The following AGBL1 variants were observed in gnomAD, a reference collection of about 807,000 sequenced individuals.
The protein encoded by AGBL1 is cytosolic carboxypeptidase 4.
A neutral mutation model predicts 118.9 loss-of-function variants in AGBL1; 130 were observed. The observed-to-expected ratio is 1.09, with a 90% confidence interval of 0.95 to 1.26. The LOEUF (loss-of-function observed/expected upper bound fraction) is 1.26. Among genes scored for constraint, AGBL1 ranks in the 50% most tolerant of loss-of-function variants. The probability of loss-of-function intolerance (pLI) is 0.00; values close to 1 mark genes in which losing one functional copy is unlikely to be tolerated. For synonymous variants in AGBL1, 555 were observed against 478.9 expected, an observed-to-expected ratio of 1.16 and a Z score of -2.08; for missense variants, 1,584 against 1,298.1, an observed-to-expected ratio of 1.22 and a Z score of -3.38.
chr15:86,318,696 A>ATTTTTTTTTTTTTTTTT (rs57988335), intron 17 of AGBL1, among the ~76,000 whole-genome samples: 1 of 81,950 alleles, frequency 1.2e-5, no homozygotes, highest in Non-Finnish European at 2.3e-5. Flanking sequence ...TTGATCATAG[A>ATTTTTTTTTTTTTTTTT]TTTTTTTTTT....
At chr15:86,968,724 C>G (rs1427365443) in intron 23 of AGBL1, among the ~76,000 whole-genome samples, 2 of 151,890 alleles carry the variant, frequency 1.3e-5, no homozygotes, top group East Asian at 3.9e-4. Context: ...GCTGCTATAA[C>G]AAAATGGCTT....
intron 21 of AGBL1, among the ~76,000 whole-genome samples, chr15:86,625,570 T>C (rs898906911): frequency 2.0e-5 from 3 of 151,818 alleles, no homozygotes; most frequent in Non-Finnish European, 4.4e-5. Flanking sequence ...GTTTCAGACA[T>C]GATGAGATGA....
intron 23 of AGBL1, among the ~76,000 whole-genome samples, chr15:86,978,840 G>T (rs118092255): frequency 1.1e-4 from 17 of 152,254 alleles, no homozygotes; most frequent in Non-Finnish European, 2.5e-4. Flanking sequence ...TTTCTCCTTG[G>T]AAATAAATCT....
intron 21 of AGBL1, among the ~76,000 whole-genome samples, chr15:86,655,513 T>C (rs1193433594): frequency 6.6e-6 from 1 of 152,194 alleles, no homozygotes; most frequent in African/African-American, 2.4e-5. Context: ...TCTTTCCTTT[T>C]CTCTCCTCTT....
intron 22 of AGBL1, among the ~76,000 whole-genome samples, chr15:86,778,017 C>T (rs574654037): frequency 9.2e-5 from 14 of 152,114 alleles, no homozygotes; most frequent in East Asian, 1.9e-4. Context: ...AAGGGTCAGC[C>T]GGTCTGAGAA....
At chr15:86,101,631 CTTT>C (rs563450139) in intron 1 of AGBL1, among the ~76,000 whole-genome samples, 2 of 131,688 alleles carry the variant, frequency 1.5e-5, no homozygotes. Context: ...TGACATTTGT[CTTT>C]TTTTTTTTTT....
chr15:86,462,805 G>A (rs1295096504), intron 18 of AGBL1, among the ~76,000 whole-genome samples: 2 of 152,108 alleles, frequency 1.3e-5, no homozygotes, highest in African/African-American at 4.8e-5. Context: ...TGGTGTATAT[G>A]CACCACATTT....
At chr15:86,694,593 C>A (rs944685654) in intron 22 of AGBL1, among the ~76,000 whole-genome samples, 5 of 151,996 alleles carry the variant, frequency 3.3e-5, no homozygotes, top group African/African-American at 1.2e-4. Flanking sequence ...TTATTTCTTT[C>A]TCTTGTCTGA....
At chr15:86,276,525 C>G (rs1388366871) in intron 15 of AGBL1, among the ~76,000 whole-genome samples, 1 of 152,152 alleles carries the variant, frequency 6.6e-6, no homozygotes, top group Non-Finnish European at 1.5e-5. Context: ...ATTATACAAA[C>G]TTTAACTGAA....
intron 22 of AGBL1, among the ~76,000 whole-genome samples, chr15:86,843,182 C>T (rs1184250013): frequency 2.0e-5 from 3 of 152,074 alleles, no homozygotes; most frequent in African/African-American, 7.2e-5. Flanking sequence ...CTGCATTTAC[C>T]ACAGCCTGAT....
chr15:86,421,865 T>A (rs2081795541), intron 18 of AGBL1, among the ~76,000 whole-genome samples: 1 of 152,154 alleles, frequency 6.6e-6, no homozygotes, highest in Non-Finnish European at 1.5e-5. Flanking sequence ...GGGCCTTACA[T>A]AATGGGAAAG....
chr15:86,932,621 G>A (rs553329311), intron 23 of AGBL1, among the ~76,000 whole-genome samples: 5 of 152,262 alleles, frequency 3.3e-5, no homozygotes, highest in South Asian at 2.1e-4. Flanking sequence ...AGTCAACTCC[G>A]TGAAGCAAGG....
At chr15:86,477,730 T>C (rs1312365397) in intron 18 of AGBL1, among the ~76,000 whole-genome samples, 2 of 152,198 alleles carry the variant, frequency 1.3e-5, no homozygotes, top group African/African-American at 4.8e-5. Flanking sequence ...TAACTCATTT[T>C]ATGAGGCCAG....
At chr15:86,806,156 C>T (rs2078711125) in intron 22 of AGBL1, among the ~76,000 whole-genome samples, 1 of 152,120 alleles carries the variant, frequency 6.6e-6, no homozygotes. Context: ...GGAGCCAGCT[C>T]TTCCTCCAGG....
chr15:86,328,888 G>C (rs756952180), intron 17 of AGBL1, among the ~76,000 whole-genome samples: 1 of 152,162 alleles, frequency 6.6e-6, no homozygotes, highest in South Asian at 2.1e-4. Flanking sequence ...TTTTAATTTG[G>C]GCTCATATAA....
intron 22 of AGBL1, among the ~76,000 whole-genome samples, chr15:86,830,413 A>C (rs2079088159): frequency 6.6e-6 from 1 of 152,126 alleles, no homozygotes; most frequent in Non-Finnish European, 1.5e-5. Flanking sequence ...CTCTGTCTTT[A>C]ATCCTTCCAG....
intron 15 of AGBL1, 57 bp downstream of exon 15, chr15:86,271,763 C>A: frequency 6.8e-7 from 1 of 1,466,892 alleles, no homozygotes; most frequent in Non-Finnish European, 9.5e-7. Flanking sequence ...CTCTCAATTT[C>A]CCACTTTTCC....
At chr15:86,901,934 TA>T (rs1290353298) in intron 22 of AGBL1, among the ~76,000 whole-genome samples, 2 of 152,172 alleles carry the variant, frequency 1.3e-5, no homozygotes, top group Admixed American at 6.5e-5. Flanking sequence ...TTAATATCAA[TA>T]TTAATAATAA....
chr15:86,248,415 G>A (rs1233172456), intron 7 of AGBL1, among the ~76,000 whole-genome samples: 1 of 152,206 alleles, frequency 6.6e-6, no homozygotes, highest in Non-Finnish European at 1.5e-5. Context: ...GAGGTGCAGT[G>A]TATGGCATAG....
Sources: gnomAD v4.1 joint callset for allele counts (sites outside exome capture counted in the v4.1 genomes callset) on GRCh38, gnomAD v4.1.1 for gene constraint, MANE v1.5 for transcripts, NCBI Gene and HGNC (gene_info 2026-07-23, HGNC 2026-07-21) for gene names.